Variants in SUMF1 observed in about 807,000 individuals in gnomAD.
SUMF1 encodes sulfatase modifying factor 1, also known as formylglycine-generating enzyme.
A neutral mutation model predicts 47.6 loss-of-function variants in SUMF1; 48 were observed. The observed-to-expected ratio is 1.01, with a 90% CI of 0.80 to 1.28. The LOEUF is 1.28. Ranked by LOEUF, SUMF1 falls within the 50% of genes most tolerant of loss-of-function variation. The probability of loss-of-function intolerance (pLI) is 0.00; values close to 1 mark genes in which losing one functional copy is unlikely to be tolerated. For missense variants in SUMF1, 571 were observed against 485.4 expected, an observed-to-expected ratio of 1.18 and a Z score of -1.66; for synonymous variants, 230 against 192.1, an observed-to-expected ratio of 1.20 and a Z score of -1.63.
chr3:4,242,468 A>G (rs1055133181), intron 8 of SUMF1, among the ~76,000 whole-genome samples: 4 of 152,122 alleles, frequency 2.6e-5, no homozygotes, highest in African/African-American at 7.2e-5. Flanking sequence ...GTTTATTGAG[A>G]ATTTTTAGCA....
At position 4,467,005 on chromosome 3, in the gene SUMF1, G is replaced by A. The variant is rs1324832603; in HGVS notation, c.241C>T (p.Pro81Ser). ...GAGTGCGCGAGTTGCCGCTCTCCGGGTACGGGGCCCGGAGCGTTAGCCTCC... is the reference window on the plus strand; with the variant it reads ...GAGTGCGCGAGTTGCCGCTCTCCGGATACGGGGCCCGGAGCGTTAGCCTCC... Reference protein sequence around the residue: ...SREANAPGPVPGERQLAHSKM... With the variant: ...SREANAPGPVSGERQLAHSKM... Residue 81 changes from proline to serine, a missense_variant, in exon 1 of 9, where the codon CCC (proline) becomes TCC (serine). Coordinates refer to ENST00000272902, the MANE Select transcript of SUMF1 (RefSeq NM_182760.4). The A allele has an allele frequency of 6.3e-7, 1 of 1,597,720 alleles. No individual in the cohort carries two copies. Among genetic ancestry groups the A allele is most frequent in the East Asian group, 2.3e-5 (1 of 44,290 alleles).
intron 7 of SUMF1, among the ~76,000 whole-genome samples, chr3:4,404,054 A>C (rs1355456705): frequency 1.3e-5 from 2 of 152,240 alleles, no homozygotes; most frequent in Non-Finnish European, 2.9e-5. Context: ...TCAAGCAAGA[A>C]GCATATGTCT....
At chr3:4,106,306 T>C (rs144733500) in intron 8 of SUMF1, among the ~76,000 whole-genome samples, 19 of 152,204 alleles carry the variant, frequency 1.2e-4, no homozygotes, top group African/African-American at 2.2e-4. Flanking sequence ...GATAAAGATA[T>C]CCGTTTGTAG....
At chr3:4,134,725 C>T (rs1230187043) in intron 8 of SUMF1, among the ~76,000 whole-genome samples, 1 of 151,858 alleles carries the variant, frequency 6.6e-6, no homozygotes, top group Non-Finnish European at 1.5e-5. Flanking sequence ...AGTCCACTAG[C>T]AAGACTAATA....
chr3:4,411,721 A>C (rs1386048334), intron 6 of SUMF1, among the ~76,000 whole-genome samples: 1 of 151,856 alleles, frequency 6.6e-6, no homozygotes, highest in Admixed American at 6.6e-5. Context: ...AAAAAAAAAA[A>C]AACTTTAACT....
chr3:4,356,275 T>G (rs142390720), downstream of SUMF1, among the ~76,000 whole-genome samples: 27 of 152,308 alleles, frequency 1.8e-4, no homozygotes, highest in Non-Finnish European at 3.1e-4. Context: ...CAAATAAAAT[T>G]AAATCAACAG....
chr3:4,408,585 T>C (rs753166586), intron 7 of SUMF1, among the ~76,000 whole-genome samples: 7 of 152,158 alleles, frequency 4.6e-5, no homozygotes, highest in African/African-American at 7.2e-5. Flanking sequence ...CCCAGCACTT[T>C]AGGAGGCCAA....
intron 8 of SUMF1, among the ~76,000 whole-genome samples, chr3:4,213,469 T>A (rs1256421917): frequency 2.0e-5 from 3 of 151,986 alleles, no homozygotes; most frequent in Admixed American, 1.3e-4. Context: ...AACCAAAATA[T>A]AAAGACCATC....
At chr3:4,400,060 C>T (rs1331011070) in intron 7 of SUMF1, among the ~76,000 whole-genome samples, 1 of 152,126 alleles carries the variant, frequency 6.6e-6, no homozygotes, top group Non-Finnish European at 1.5e-5. Context: ...TTTCTGTTCT[C>T]GATTCATACC....
At chr3:4,116,178 T>C (rs369167568) in intron 8 of SUMF1, among the ~76,000 whole-genome samples, 4 of 152,090 alleles carry the variant, frequency 2.6e-5, no homozygotes, top group East Asian at 1.9e-4. Context: ...GTGTGACCTA[T>C]ACAATGTCAC....
At chr3:4,327,404 G>A (rs954810923) in intron 8 of SUMF1, among the ~76,000 whole-genome samples, 1 of 152,130 alleles carries the variant, frequency 6.6e-6, no homozygotes, top group African/African-American at 2.4e-5. Context: ...GCAAGTTGTT[G>A]TTGTTGTTGT....
intron 8 of SUMF1, among the ~76,000 whole-genome samples, chr3:4,319,293 C>T (rs567402621): frequency 2.6e-5 from 4 of 152,286 alleles, no homozygotes; most frequent in Admixed American, 6.5e-5. Context: ...CTGCTCACCA[C>T]ACAGAATGTC....
intron 8 of SUMF1, among the ~76,000 whole-genome samples, chr3:4,333,181 C>A (rs1699082199): frequency 6.6e-6 from 1 of 152,246 alleles, no homozygotes; most frequent in Non-Finnish European, 1.5e-5. Context: ...CACTTGCCCT[C>A]TGCCCTTGCA....
At chr3:4,199,657 T>A (rs1245983557) in intron 8 of SUMF1, among the ~76,000 whole-genome samples, 1 of 152,190 alleles carries the variant, frequency 6.6e-6, no homozygotes, top group African/African-American at 2.4e-5. Flanking sequence ...TTTCTTATTA[T>A]GTATATTTTA....
chr3:4,073,291 A>AT (rs1692331350), intron 8 of SUMF1, among the ~76,000 whole-genome samples: 1 of 152,202 alleles, frequency 6.6e-6, no homozygotes, highest in Non-Finnish European at 1.5e-5. Context: ...ATGCTGAGAG[A>AT]TTTTGTCACC....
At chr3:4,281,399 T>A (rs1697526820) in intron 8 of SUMF1, among the ~76,000 whole-genome samples, 1 of 152,112 alleles carries the variant, frequency 6.6e-6, no homozygotes, top group Non-Finnish European at 1.5e-5. Context: ...GATATATTGA[T>A]CATCCACATT....
intron 8 of SUMF1, among the ~76,000 whole-genome samples, chr3:4,294,333 C>T (rs568116666): frequency 1.6e-4 from 25 of 152,212 alleles, no homozygotes; most frequent in African/African-American, 5.8e-4. Context: ...GAGGCCAAGG[C>T]AGAGGGATCA....
rs1396579755 is a variant in SUMF1, at chr3:4,410,871, A to G, written c.948T>C (p.Leu316=). The G allele has an allele frequency of 6.2e-7, 1 of 1,613,734 alleles. No individual in the cohort carries two copies. Among genetic ancestry groups the G allele is most frequent in the Non-Finnish European group, 8.5e-7 (1 of 1,179,624 alleles). Residue 316 remains leucine, a synonymous_variant, in exon 7 of 9, where the codon CTT becomes CTC. Coordinates refer to ENST00000272902, the MANE Select transcript of SUMF1 (RefSeq NM_182760.4). ...WTVHHSVEET[L]NPKGPPSGKD... ...CTCTGTGAATAATACTCACTGGGTT[A>G]AGCGTTTCTTCAACAGAATGATGAA... is the stretch of plus-strand genomic sequence containing the variant.
chr3:4,227,067 A>T (rs313696), intron 8 of SUMF1, among the ~76,000 whole-genome samples: 102,161 of 151,926 alleles, frequency 0.67, 36,040 homozygotes, highest in African/African-American at 0.89. Flanking sequence ...CACTACACTC[A>T]AACAACCCCT....
Sources: gnomAD v4.1 joint callset for allele counts (sites outside exome capture counted in the v4.1 genomes callset) on GRCh38, gnomAD v4.1.1 for gene constraint, MANE v1.5 for transcripts, NCBI Gene and HGNC (gene_info 2026-07-23, HGNC 2026-07-21) for gene names.